The following SULT1B1 variants were observed in gnomAD, a reference collection of about 807,000 sequenced individuals.
SULT1B1 encodes sulfotransferase family 1B member 1, also known as sulfotransferase 1B1.
Under a neutral mutation model 34.6 loss-of-function variants are expected in SULT1B1, and 28 were observed. That is an observed-to-expected ratio of 0.81 (90% CI 0.60 to 1.11). The LOEUF is 1.11. SULT1B1 is among the 50% of genes least tolerant of loss of function. SULT1B1 has a pLI of 0.00. For missense variants in SULT1B1, 374 were observed against 352.2 expected (o/e 1.06, Z -0.50); for synonymous variants, 147 against 110.2 (o/e 1.33, Z -2.09).
intron 4 of SULT1B1, among the ~76,000 whole-genome samples, chr4:69,743,391 C>T (rs1014473140): frequency 6.6e-6 from 1 of 152,220 alleles, no homozygotes; most frequent in Admixed American, 6.5e-5. Context: ...GTTTTATGGG[C>T]CTCAGAGGGG....
rs967563788 is a variant in SULT1B1 at position 69,724,104 on chromosome 4, A to G, written c.*2984T>C. 6.6e-6 allele frequency: 1 copy of G among 152,232 alleles called. No homozygotes were observed. The highest frequency in any genetic ancestry group is 1.5e-5 in the Non-Finnish European group (1 of 68,050). The allele number at this position is 152,232 out of a possible 1,614,324, so 9.4% of individuals were successfully genotyped here. ...CAAATTGTCCCTGTTTGCAGATGAC[A>G]TGATTGTATATGTAGAAAACCCCAT... On this transcript the variant is annotated 3_prime_UTR_variant, in exon 8 of 8. Coordinates refer to ENST00000310613, the MANE Select transcript of SULT1B1 (RefSeq NM_014465.4).
At chr4:69,749,247 A>C (rs1718876241) in intron 4 of SULT1B1, among the ~76,000 whole-genome samples, 1 of 152,116 alleles carries the variant, frequency 6.6e-6, no homozygotes, top group South Asian at 2.1e-4. Flanking sequence ...ACAACTTAGA[A>C]AAGTTTCTCA....
At chr4:69,734,476 A>G (rs775096966) in intron 4 of SULT1B1, among the ~76,000 whole-genome samples, 1 of 152,182 alleles carries the variant, frequency 6.6e-6, no homozygotes, top group Non-Finnish European at 1.5e-5. Context: ...CCATCGAGCT[A>G]TAGACGTTTT....
Position 69,726,642 on chromosome 4 carries a change from A to C in SULT1B1, c.*446T>G, listed in dbSNP as rs4149418. ...CTTGAAACTCGGTAGACAGCAGTGG[A>C]ACACAGTGTCCTGGGTCAAATTTTC... On this transcript the variant is annotated 3_prime_UTR_variant, in exon 8 of 8. Coordinates refer to ENST00000310613, the MANE Select transcript of SULT1B1 (RefSeq NM_014465.4). The C allele has an allele frequency of 0.046, 7,035 of 152,398 alleles. 235 individuals carry two copies. The highest frequency in any genetic ancestry group is 0.093 in the East Asian group (482 of 5,172). The allele number at this position is 152,398 out of a possible 1,614,324, so 9.4% of individuals were successfully genotyped here. A position where few individuals can be genotyped will look rare whatever the true frequency, so the allele number is the denominator to read the frequency against.
At chr4:69,729,210 A>G (rs1196615730) in intron 7 of SULT1B1, among the ~76,000 whole-genome samples, 2 of 152,102 alleles carry the variant, frequency 1.3e-5, no homozygotes, top group Non-Finnish European at 2.9e-5. Flanking sequence ...CATGTACACA[A>G]CTGACCCTTG....
rs1717823648 is a variant in SULT1B1, at chr4:69,726,033, C to CATT, written c.*1054_*1055insAAT. ...ACTTAAAGTATAATAATAAAATGTACATATATATATATATATATATATATA... is the reference window on the plus strand; with the variant it reads ...ACTTAAAGTATAATAATAAAATGTACATTATATATATATATATATATATATATA... On this transcript the variant is annotated 3_prime_UTR_variant, in exon 8 of 8. Coordinates refer to ENST00000310613, the MANE Select transcript of SULT1B1 (RefSeq NM_014465.4). 3.4e-5 allele frequency: 1 copy of CATT among 29,160 alleles called. No individual in the cohort carries two copies. Among genetic ancestry groups the CATT allele is most frequent in the Admixed American group, 6.1e-4 (1 of 1,644 alleles). The allele number at this position is 29,160 out of a possible 1,614,324, so 1.8% of individuals were successfully genotyped here.
Position 69,724,212 on chromosome 4 carries a change from G to C in SULT1B1, c.*2876C>G, listed in dbSNP as rs1397387358. On this transcript the variant is annotated 3_prime_UTR_variant, in exon 8 of 8. Transcript: ENST00000310613. ...CAAAATCAATGTACAAAAATCACAAGCATTCTTATACACCAATAACAGACA... is the reference window on the plus strand; with the variant it reads ...CAAAATCAATGTACAAAAATCACAACCATTCTTATACACCAATAACAGACA... 1 of 152,146 alleles carries C rather than the reference G, an allele frequency of 6.6e-6. No homozygotes were observed. The highest frequency in any genetic ancestry group is 1.5e-5 in the Non-Finnish European group (1 of 68,034). 9.4% of individuals were successfully genotyped at this position (152,146 alleles called of 1,614,324 possible).
At chr4:69,755,426 G>T (rs1719152463) in intron 1 of SULT1B1, among the ~76,000 whole-genome samples, 165 bp from the exon 2 acceptor site, 1 of 152,168 alleles carries the variant, frequency 6.6e-6, no homozygotes, top group Non-Finnish European at 1.5e-5. Context: ...GATTGCAAGA[G>T]CAGTAACTGG....
At chr4:69,749,987 A>G (rs990087748) in intron 3 of SULT1B1, among the ~76,000 whole-genome samples, 169 bp from the exon 4 acceptor site, 16 of 152,164 alleles carry the variant, frequency 1.1e-4, no homozygotes, top group African/African-American at 3.6e-4. Flanking sequence ...ATTGTGTAAC[A>G]TTCAAGGATA....
intron 4 of SULT1B1, among the ~76,000 whole-genome samples, chr4:69,742,653 C>T (rs1469347258): frequency 6.6e-6 from 1 of 152,134 alleles, no homozygotes; most frequent in Non-Finnish European, 1.5e-5. Context: ...TGGCCAGTGG[C>T]GCCTTTGTCC....
intron 3 of SULT1B1, 38 bp from the exon 4 acceptor site, chr4:69,749,856 C>T: frequency 1.3e-6 from 2 of 1,488,210 alleles, no homozygotes; most frequent in Non-Finnish European, 1.9e-6. Context: ...ATATTAGAGT[C>T]TCCAGAAAGG....
rs1430442215 is a variant in SULT1B1 at position 69,724,838 on chromosome 4, A to G, written c.*2250T>C. ...GCCATATGTAGAAAGCAGAACCTGGATCCCTTCCTTACACCTTATACAAAA... is the reference window on the plus strand; with the variant it reads ...GCCATATGTAGAAAGCAGAACCTGGGTCCCTTCCTTACACCTTATACAAAA... On this transcript the variant is annotated 3_prime_UTR_variant, in exon 8 of 8. Transcript: ENST00000310613. The G allele has an allele frequency of 6.6e-6, 1 of 152,236 alleles. No homozygotes were observed. Among genetic ancestry groups the G allele is most frequent in the Non-Finnish European group, 1.5e-5 (1 of 68,068 alleles). The allele number at this position is 152,236 out of a possible 1,614,324, so 9.4% of individuals were successfully genotyped here. A position where few individuals can be genotyped will look rare whatever the true frequency, so the allele number is the denominator to read the frequency against.
chr4:69,736,175 A>G (rs1718302666), intron 4 of SULT1B1, among the ~76,000 whole-genome samples: 1 of 152,200 alleles, frequency 6.6e-6, no homozygotes, highest in Admixed American at 6.5e-5. Flanking sequence ...TCCTATCTAG[A>G]GGGGAATCAC....
In SULT1B1 at chr4:69,734,275, G is replaced by A; in HGVS notation, c.376-11C>T. 1.2e-6 allele frequency: 2 copies of A among 1,607,200 alleles called. No individual in the cohort carries two copies. The highest frequency in any genetic ancestry group is 1.7e-6 in the Non-Finnish European group (2 of 1,177,192). ...AGCCAGATAAATCATCTGCAGTGGG[G>A]GGTGGGGGTAGGAGAAAAAAATAAG... On this transcript the variant is annotated splice_polypyrimidine_tract_variant and intron_variant, in intron 4 of 7. Coordinates refer to ENST00000310613, the MANE Select transcript of SULT1B1 (RefSeq NM_014465.4).
rs757496712 is a variant in SULT1B1, at chr4:69,730,557, T to C, written c.722A>G (p.Tyr241Cys). 3.7e-6 allele frequency: 6 copies of C among 1,612,868 alleles called. No homozygotes were observed. In the South Asian group the frequency reaches 5.5e-5, roughly 15 times the overall value. ...CATCACTGTAGTTGGTAGATGTGTA[T>C]AATTTACCAAAGGATTGTCCTTCAT... ...EVMKDNPLVNYTHLPTTVMDH... is the reference protein window; with the variant it reads ...EVMKDNPLVNCTHLPTTVMDH... Residue 241 changes from tyrosine (Y) to cysteine (C), a missense_variant, in exon 7 of 8, where the codon TAT (tyrosine) becomes TGT (cysteine). Transcript: ENST00000310613.
At chr4:69,729,841 G>T (rs937111195) in intron 7 of SULT1B1, among the ~76,000 whole-genome samples, 4 of 152,042 alleles carry the variant, frequency 2.6e-5, no homozygotes, top group African/African-American at 9.7e-5. Flanking sequence ...ATTTAAGTTA[G>T]TAATTGGTTA....
At position 69,725,684 on chromosome 4, in the gene SULT1B1, T is replaced by G. The variant is rs927638140; in HGVS notation, c.*1404A>C. ...GGCACATATACACCATAGAATACTG[T>G]GCAGCCATAAAAAATGATGAGTTCA... On this transcript the variant is annotated 3_prime_UTR_variant, in exon 8 of 8. Transcript: ENST00000310613. 3 of 152,026 alleles carry G rather than the reference T, an allele frequency of 2.0e-5. No individual in the cohort carries two copies. Among genetic ancestry groups the G allele is most frequent in the Non-Finnish European group, 4.4e-5 (3 of 68,012 alleles). The allele number at this position is 152,026 out of a possible 1,614,324, so 9.4% of individuals were successfully genotyped here.
intron 4 of SULT1B1, among the ~76,000 whole-genome samples, 170 bp from the exon 5 acceptor site, chr4:69,734,434 T>C (rs1718219445): frequency 6.6e-6 from 1 of 152,188 alleles, no homozygotes; most frequent in Admixed American, 6.5e-5. Context: ...TCAAGTGATT[T>C]TCAATACAGC....
At chr4:69,735,409 T>G (rs1718262528) in intron 4 of SULT1B1, among the ~76,000 whole-genome samples, 1 of 152,218 alleles carries the variant, frequency 6.6e-6, no homozygotes, top group Admixed American at 6.5e-5. Flanking sequence ...TTCCAAACTC[T>G]GCTCCACACC....
Sources: gnomAD v4.1 joint callset for allele counts (sites outside exome capture counted in the v4.1 genomes callset) on GRCh38, gnomAD v4.1.1 for gene constraint, MANE v1.5 for transcripts, NCBI Gene and HGNC (gene_info 2026-07-23, HGNC 2026-07-21) for gene names.